Variants in PRELID2 observed in about 807,000 individuals in gnomAD.
PRELID2 encodes PRELI domain containing 2, also known as PRELI domain-containing protein 2.
Under a neutral mutation model 28.4 loss-of-function variants are expected in PRELID2, and 25 were observed. That is an observed-to-expected ratio of 0.88 (90% CI 0.64 to 1.23). The LOEUF (loss-of-function observed/expected upper bound fraction) is 1.23, where lower values mean the gene tolerates loss of function less well. Among genes scored for constraint, PRELID2 ranks in the 50% most tolerant of loss-of-function variants. The pLI is 0.00. For synonymous variants in PRELID2, 76 were observed against 71.6 expected, an observed-to-expected ratio of 1.06 and a Z score of -0.31; for missense variants, 201 against 214.4, an observed-to-expected ratio of 0.94 and a Z score of 0.39.
chr5:145,410,802 C>T, the PRELID2 span, among the ~76,000 whole-genome samples: 2 of 152,084 alleles, frequency 1.3e-5, no homozygotes, highest in African/African-American at 4.8e-5. Context: ...CATGTCCTTA[C>T]ATTAAAAAAC....
At chr5:145,740,485 G>A (rs1338400136) in intron 1 of PRELID2, among the ~76,000 whole-genome samples, 1 of 137,388 alleles carries the variant, frequency 7.3e-6, no homozygotes, top group Non-Finnish European at 1.6e-5. Context: ...GGATATAGAA[G>A]AATGCAATAA....
the PRELID2 span, among the ~76,000 whole-genome samples, chr5:145,298,493 A>G: frequency 2.0e-5 from 3 of 152,090 alleles, no homozygotes; most frequent in African/African-American, 4.8e-5. Context: ...AGACTTAAAC[A>G]TTGTAGCAGT....
At chr5:145,642,920 C>G (rs990636091) in intron 1 of PRELID2, among the ~76,000 whole-genome samples, 1 of 152,128 alleles carries the variant, frequency 6.6e-6, no homozygotes, top group Admixed American at 6.5e-5. Flanking sequence ...TTACTATAGA[C>G]TTGTAGTATA....
At chr5:145,823,329 C>T (rs1289826409) in intron 1 of PRELID2, among the ~76,000 whole-genome samples, 195 bp from the exon 2 acceptor site, 1 of 152,190 alleles carries the variant, frequency 6.6e-6, no homozygotes, top group Non-Finnish European at 1.5e-5. Context: ...TCTTGACTTA[C>T]ATGAAATCTG....
chr5:145,719,519 G>C lies in PRELID2; in HGVS notation n.70+45412C>G, dbSNP rs148592283. On this transcript the variant is annotated intron_variant and non_coding_transcript_variant, in intron 1 of 2. Transcript: ENST00000510259. ...TACGAGAGAGAGAGAGAGAGAGAGA[G>C]GGAATACATACATATGTGCATGCAT... Among the ~76,000 whole-genome samples, 639 of 150,522 alleles carry C rather than the reference G, an allele frequency of 4.2e-3. 7 individuals carry two copies. Among genetic ancestry groups the C allele is most frequent in the African/African-American group, 0.015 (612 of 41,028 alleles).
chr5:145,782,612 A>G (rs545991824), intron 5 of PRELID2, among the ~76,000 whole-genome samples: 4 of 152,348 alleles, frequency 2.6e-5, no homozygotes, highest in African/African-American at 9.6e-5. Flanking sequence ...TGTTAATAGA[A>G]TTATAAAATG....
chr5:145,686,312 G>C (rs1755037790), intron 1 of PRELID2, among the ~76,000 whole-genome samples: 1 of 151,758 alleles, frequency 6.6e-6, no homozygotes, highest in Non-Finnish European at 1.5e-5. Flanking sequence ...CTTATAAGGG[G>C]GATTTTCAAT....
At chr5:145,601,715 G>C (rs138635228) in intron 1 of PRELID2, among the ~76,000 whole-genome samples, 1 of 152,330 alleles carries the variant, frequency 6.6e-6, no homozygotes, top group Non-Finnish European at 1.5e-5. Context: ...ATCCAGGCAA[G>C]GTAGCTGGGA....
chr5:145,602,215 G>A (rs1183091772), intron 1 of PRELID2, among the ~76,000 whole-genome samples: 3 of 152,118 alleles, frequency 2.0e-5, no homozygotes, highest in East Asian at 1.9e-4. Flanking sequence ...CCTGCTTTAG[G>A]TGACCTCACA....
chr5:145,502,673 C>T lies in PRELID2; in HGVS notation n.71-29358G>A, dbSNP rs529292110. Among the ~76,000 whole-genome samples the T allele has an allele frequency of 3.3e-5, 5 of 152,174 alleles. No individual in the cohort carries two copies. In the South Asian group the frequency reaches 6.2e-4, roughly 19 times the overall value. ...ACGTCTCATTCATCTCTTTTGCCCT[C>T]GGAGCTTAGCCCAGTACCTGATACA... On this transcript the variant is annotated intron_variant and non_coding_transcript_variant, in intron 1 of 2. Transcript: ENST00000510259.
chr5:145,767,550 C>A (rs181685131), intron 5 of PRELID2, among the ~76,000 whole-genome samples: 58 of 152,306 alleles, frequency 3.8e-4, no homozygotes, highest in African/African-American at 1.4e-3. Flanking sequence ...ATAACACGCA[C>A]TCCCTGGGGT....
At chr5:145,229,967 GC>G in the PRELID2 span, 1 of 744,356 alleles carries the variant, frequency 1.3e-6, no homozygotes. Flanking sequence ...GTGATTATGA[GC>G]CGATTGATGA....
chr5:145,775,445 T>C (rs1196178892), intron 5 of PRELID2, among the ~76,000 whole-genome samples: 2 of 152,296 alleles, frequency 1.3e-5, no homozygotes, highest in East Asian at 1.9e-4. Flanking sequence ...TTTATTAATT[T>C]AGAAGAGGCA....
chr5:145,784,747 T>C (rs1751873849), intron 5 of PRELID2, among the ~76,000 whole-genome samples: 1 of 149,836 alleles, frequency 6.7e-6, no homozygotes, highest in South Asian at 2.1e-4. Flanking sequence ...TATAAATATG[T>C]CCACAAATGA....
the PRELID2 span, among the ~76,000 whole-genome samples, chr5:145,461,327 G>A: frequency 1.4e-5 from 1 of 73,536 alleles, no homozygotes; most frequent in Admixed American, 1.7e-4. Flanking sequence ...TTGAGATGGA[G>A]TCTCGCTCTG....
the PRELID2 span, among the ~76,000 whole-genome samples, chr5:145,383,300 C>T: frequency 2.0e-5 from 3 of 151,168 alleles, no homozygotes; most frequent in African/African-American, 7.3e-5. Context: ...TATATACACA[C>T]ATATATGTAC....
At chr5:145,318,754 T>A in the PRELID2 span, among the ~76,000 whole-genome samples, 2 of 152,322 alleles carry the variant, frequency 1.3e-5, no homozygotes, top group African/African-American at 2.4e-5. Flanking sequence ...GTTACAGTGC[T>A]CTTTTAGCTC....
chr5:145,399,966 C>T, the PRELID2 span, among the ~76,000 whole-genome samples: 4 of 152,056 alleles, frequency 2.6e-5, no homozygotes, highest in Non-Finnish European at 4.4e-5. Context: ...TCGGTACCTC[C>T]GATAACACAT....
the PRELID2 span, among the ~76,000 whole-genome samples, chr5:145,431,323 T>C: frequency 6.6e-6 from 1 of 152,122 alleles, no homozygotes; most frequent in Non-Finnish European, 1.5e-5. Context: ...GATATAGTAA[T>C]GGGTTATAAC....
Sources: gnomAD v4.1 joint callset for allele counts (sites outside exome capture counted in the v4.1 genomes callset) on GRCh38, gnomAD v4.1.1 for gene constraint, MANE v1.5 for transcripts, NCBI Gene and HGNC (gene_info 2026-07-23, HGNC 2026-07-21) for gene names.